Variants in KCTD6 observed in about 807,000 individuals in gnomAD.
KCTD6 encodes the protein BTB/POZ domain-containing protein KCTD6.
Under a neutral mutation model 18.7 loss-of-function variants are expected in KCTD6, and 6 were observed. The ratio of observed to expected loss-of-function variants is 0.32; its 90% confidence interval spans 0.18 to 0.63. The LOEUF (loss-of-function observed/expected upper bound fraction) is 0.63, where lower values mean the gene tolerates loss of function less well. KCTD6 is among the 30% of genes least tolerant of loss of function. KCTD6 has a pLI of 0.79. For missense variants in KCTD6, 165 were observed against 300.2 expected, an observed-to-expected ratio of 0.55 and a Z score of 3.33; for synonymous variants, 86 against 108.5, an observed-to-expected ratio of 0.79 and a Z score of 1.29.
intron 2 of KCTD6, among the ~76,000 whole-genome samples, chr3:58,500,056 A>G (rs978812019): frequency 6.6e-6 from 1 of 152,104 alleles, no homozygotes; most frequent in African/African-American, 2.4e-5. Flanking sequence ...AGTATTTGAA[A>G]GTATCACTTC....
At position 58,493,413 on chromosome 3, in the gene KCTD6, C is replaced by A. The variant is rs546704777; in HGVS notation, c.-44+1244C>A. On this transcript the variant is annotated intron_variant, in intron 1 of 2. Coordinates refer to ENST00000404589, the MANE Select transcript of KCTD6 (RefSeq NM_001128214.2). The surrounding 1 kb of genome is among the most constrained non-coding windows in gnomAD (Gnocchi z 4.5). ...GAATCTTAGGGTGAACCCTATGAAT[C>A]CTTCAGTGCGCTTGGATTTTGATAT... Among the ~76,000 whole-genome samples the A allele has an allele frequency of 2.0e-5, 3 of 150,864 alleles. No individual in the cohort carries two copies. Among genetic ancestry groups the A allele is most frequent in the African/African-American group, 7.3e-5 (3 of 40,990 alleles).
rs1472639384 is a variant in KCTD6, at chr3:58,492,984, T to G, written c.-44+815T>G. Among the ~76,000 whole-genome samples the G allele has an allele frequency of 6.6e-6, 1 of 152,250 alleles. No individual in the cohort carries two copies. Among genetic ancestry groups the G allele is most frequent in the African/African-American group, 2.4e-5 (1 of 41,468 alleles). On this transcript the variant is annotated intron_variant, in intron 1 of 2. Transcript: ENST00000404589. This position sits in a 1 kb window ranked among gnomAD's most constrained non-coding sequence, Gnocchi z 6.1. ...GTTTGGGTGGCAAAGTGACCTGGGATGACCCGGCTCGGCTAAGAATATTTG... is the reference window on the plus strand; with the variant it reads ...GTTTGGGTGGCAAAGTGACCTGGGAGGACCCGGCTCGGCTAAGAATATTTG...
At position 58,492,712 on chromosome 3, in the gene KCTD6, T is replaced by TTG. The variant is rs920992037; in HGVS notation, c.-44+554_-44+555dup. ...GCAGCTGAGTTCTTTATGCCTAGAT[T>TTG]TGTGTGTGTGTGGTGGCGTTTTTAA... On this transcript the variant is annotated intron_variant, in intron 1 of 2. Transcript: ENST00000404589. This position sits in a 1 kb window ranked among gnomAD's most constrained non-coding sequence, Gnocchi z 6.1. 2.6e-5 allele frequency among the ~76,000 whole-genome samples: 4 copies of TTG among 151,916 alleles called. No individual in the cohort carries two copies. Among genetic ancestry groups the TTG allele is most frequent in the African/African-American group, 4.8e-5 (2 of 41,348 alleles).
rs774057542 is a variant in KCTD6, at chr3:58,496,877, T to C, written c.-43-1836T>C. 2.0e-4 allele frequency among the ~76,000 whole-genome samples: 30 copies of C among 152,208 alleles called. No homozygotes were observed. The highest frequency in any genetic ancestry group is 3.4e-4 in the Non-Finnish European group (23 of 68,028). ...ATTGAGGCTGTCAGAATGAATACTT[T>C]GGGTGATGGGAAAATGCCAAAGATG... On this transcript the variant is annotated intron_variant, in intron 1 of 2. Coordinates refer to ENST00000404589, the MANE Select transcript of KCTD6 (RefSeq NM_001128214.2). The surrounding 1 kb of genome is among the most constrained non-coding windows in gnomAD (Gnocchi z 5.1).
At chr3:58,500,564 T>C (rs1371924998) in intron 2 of KCTD6, among the ~76,000 whole-genome samples, 1 of 151,990 alleles carries the variant, frequency 6.6e-6, no homozygotes, top group Non-Finnish European at 1.5e-5. Context: ...TTCAGAAAAA[T>C]GCAAGCCTTA....
Position 58,501,235 on chromosome 3 carries a change from A to G in KCTD6, c.317A>G (p.Asn106Ser), listed in dbSNP as rs1465662549. 14 of 1,614,082 alleles carry G rather than the reference A, an allele frequency of 8.7e-6. No homozygotes were observed. Among genetic ancestry groups the G allele is most frequent in the South Asian group, 1.1e-5 (1 of 91,090 alleles). ...YQIEPLIQCL[N>S]DPKPLYPMDT... ...ATTGAGCCCTTGATTCAGTGTCTCA[A>G]TGATCCTAAGCCTTTGTATCCCATG... Residue 106 changes from asparagine (N) to serine (S), a missense_variant, in exon 3 of 3, where the codon AAT becomes AGT. By Grantham distance (46) the Asn-to-Ser change is conservative (BLOSUM62 1). Coordinates refer to ENST00000404589, the MANE Select transcript of KCTD6 (RefSeq NM_001128214.2). This position sits in a 1 kb window ranked among gnomAD's most constrained non-coding sequence, Gnocchi z 9.7.
At position 58,492,228 on chromosome 3, in the gene KCTD6, A is replaced by C. The variant is rs1334389990; in HGVS notation, c.-44+59A>C. On this transcript the variant is annotated intron_variant, in intron 1 of 2. Coordinates refer to ENST00000404589, the MANE Select transcript of KCTD6 (RefSeq NM_001128214.2). The surrounding 1 kb of genome is among the most constrained non-coding windows in gnomAD (Gnocchi z 6.1). ...GGGTTTGGGAGGGCCGGGTTTCAGGAGACGTCTGCGCCGAGCGGCCAGGGG... is the reference window on the plus strand; with the variant it reads ...GGGTTTGGGAGGGCCGGGTTTCAGGCGACGTCTGCGCCGAGCGGCCAGGGG... The C allele has an allele frequency of 6.7e-6, 1 of 149,152 alleles. No individual in the cohort carries two copies. Among genetic ancestry groups the C allele is most frequent in the Admixed American group, 6.7e-5 (1 of 15,024 alleles). 9.2% of individuals were successfully genotyped at this position (149,152 alleles called of 1,614,324 possible).
rs1208397323 is a variant in KCTD6 at position 58,501,367 on chromosome 3, A to G, written c.449A>G (p.His150Arg). The G allele has an allele frequency of 6.3e-7, 1 of 1,594,926 alleles. No individual in the cohort carries two copies. Among genetic ancestry groups the G allele is most frequent in the African/African-American group, 1.4e-5 (1 of 73,870 alleles). ...CAACTAACCATCACCACTAAGGTCC[A>G]TTCCTTACTAGAAGGCATCTCAAAT... The part of the protein sequence containing the change: ...ITQLTITTKV[H>R]SLLEGISNYF... The change falls in exon 3 of 3, where the codon CAT becomes CGT. Residue 150 changes from histidine to arginine, a missense_variant. Coordinates refer to ENST00000404589, the MANE Select transcript of KCTD6 (RefSeq NM_001128214.2). The surrounding 1 kb of genome is among the most constrained non-coding windows in gnomAD (Gnocchi z 9.7).
In KCTD6 at chr3:58,497,281, T is replaced by C. The variant is rs2063178975; in HGVS notation, c.-43-1432T>C. ...CAGCCCATGCTGTGCTATGCAAATG[T>C]TCTCTACATGCCTGAGTGACCTTTT... On this transcript the variant is annotated intron_variant, in intron 1 of 2. Transcript: ENST00000404589. This position sits in a 1 kb window ranked among gnomAD's most constrained non-coding sequence, Gnocchi z 4.2. 6.6e-6 allele frequency among the ~76,000 whole-genome samples: 1 copy of C among 152,246 alleles called. No homozygotes were observed. Among genetic ancestry groups the C allele is most frequent in the South Asian group, 2.1e-4 (1 of 4,834 alleles).
rs1427735212 is a variant in KCTD6 at position 58,497,246 on chromosome 3, G to T, written c.-43-1467G>T. On this transcript the variant is annotated intron_variant, in intron 1 of 2. Transcript: ENST00000404589. The surrounding 1 kb of genome is among the most constrained non-coding windows in gnomAD (Gnocchi z 4.2). ...CAAGGTAGAGAAATAGATGCTTCAGGCTCTGATTTCAGCCCATGCTGTGCT... is the reference window on the plus strand; with the variant it reads ...CAAGGTAGAGAAATAGATGCTTCAGTCTCTGATTTCAGCCCATGCTGTGCT... Among the ~76,000 whole-genome samples the T allele has an allele frequency of 6.6e-6, 1 of 152,212 alleles. No homozygotes were observed. The highest frequency in any genetic ancestry group is 1.9e-4 in the East Asian group (1 of 5,204).
At chr3:58,495,493 CAG>C (rs1006876469) in intron 1 of KCTD6, among the ~76,000 whole-genome samples, 9 of 124,612 alleles carry the variant, frequency 7.2e-5, no homozygotes, top group African/African-American at 2.4e-4. Context: ...TATTGGATAA[CAG>C]GGAATTTTTC....
Position 58,498,883 on chromosome 3 carries a change from T to C in KCTD6, c.27+101T>C, listed in dbSNP as rs1396709746. 5 of 948,234 alleles carry C rather than the reference T, an allele frequency of 5.3e-6. No homozygotes were observed. The highest frequency in any genetic ancestry group is 6.5e-6 in the Non-Finnish European group (4 of 616,970). 58.7% of individuals were successfully genotyped at this position (948,234 alleles called of 1,614,324 possible). A position where few individuals can be genotyped will look rare whatever the true frequency, so the allele number is the denominator to read the frequency against. ...AGGTATATCTTATAAGAAAAGAAAA[T>C]TGTGAATTTGTGTAACCTCTCTTCC... On this transcript the variant is annotated intron_variant, in intron 2 of 2. Coordinates refer to ENST00000404589, the MANE Select transcript of KCTD6 (RefSeq NM_001128214.2). This position sits in a 1 kb window ranked among gnomAD's most constrained non-coding sequence, Gnocchi z 4.6.
chr3:58,494,368 A>G (rs983346915), intron 1 of KCTD6: 3 of 152,198 alleles, frequency 2.0e-5, no homozygotes, highest in African/African-American at 7.2e-5. Flanking sequence ...AAACTCCCAC[A>G]TTTCAAGAAG....
intron 2 of KCTD6, among the ~76,000 whole-genome samples, chr3:58,499,096 A>G (rs746812594): frequency 1.2e-4 from 19 of 152,012 alleles, no homozygotes; most frequent in Non-Finnish European, 2.5e-4. Flanking sequence ...CAGCCTCCTG[A>G]GTAGCTGGGA....
rs11418436 is a variant in KCTD6, at chr3:58,499,547, CT to C, written c.27+782del. Reference sequence around the variant, plus strand: ...GTCTGCCTTTCTTTTTTCTTTCTTCCTTTTTTTTTTTTTTTTTCGAGACAGG... The same window carrying C: ...GTCTGCCTTTCTTTTTTCTTTCTTCCTTTTTTTTTTTTTTTTCGAGACAGG... On this transcript the variant is annotated intron_variant, in intron 2 of 2. Transcript: ENST00000404589. 4.3e-3 allele frequency among the ~76,000 whole-genome samples: 519 copies of C among 121,816 alleles called. 3 individuals are homozygous for C. The highest frequency in any genetic ancestry group is 0.012 in the African/African-American group (374 of 32,300). 79.9% of individuals were successfully genotyped at this position (121,816 alleles called of 152,430 possible).
At chr3:58,495,573 G>A (rs1202612210) in intron 1 of KCTD6, among the ~76,000 whole-genome samples, 1 of 152,092 alleles carries the variant, frequency 6.6e-6, no homozygotes, top group South Asian at 2.1e-4. Flanking sequence ...TTTAGAAGCA[G>A]GTAGAGATAA....
Position 58,498,362 on chromosome 3 carries a change from ATTCTC to A in KCTD6, c.-43-348_-43-344del, listed in dbSNP as rs2063189307. On this transcript the variant is annotated intron_variant, in intron 1 of 2. Coordinates refer to ENST00000404589, the MANE Select transcript of KCTD6 (RefSeq NM_001128214.2). The surrounding 1 kb of genome is among the most constrained non-coding windows in gnomAD (Gnocchi z 4.6). ...ATAAGGTTGTAGAGTTAATCATAAT[ATTCTC>A]TTATATAAATTCTAAAAATTGATGT... 1 of 174,136 alleles carries A rather than the reference ATTCTC, an allele frequency of 5.7e-6. No individual in the cohort carries two copies. Among genetic ancestry groups the A allele is most frequent in the African/African-American group, 2.4e-5 (1 of 41,822 alleles). 10.8% of individuals were successfully genotyped at this position (174,136 alleles called of 1,614,324 possible).
chr3:58,494,602 T>C (rs2063168073), intron 1 of KCTD6, among the ~76,000 whole-genome samples: 1 of 152,230 alleles, frequency 6.6e-6, no homozygotes, highest in South Asian at 2.1e-4. Flanking sequence ...CCCGGAGAAT[T>C]CTTAATCTAT....
Position 58,498,917 on chromosome 3 carries a change from CTTAGT to C in KCTD6, c.27+140_27+144del. 1.4e-6 allele frequency: 1 copy of C among 705,770 alleles called. No homozygotes were observed. Among genetic ancestry groups the C allele is most frequent in the Non-Finnish European group, 2.4e-6 (1 of 421,156 alleles). The allele number at this position is 705,770 out of a possible 1,614,324, so 43.7% of individuals were successfully genotyped here. A position where few individuals can be genotyped will look rare whatever the true frequency, so the allele number is the denominator to read the frequency against. On this transcript the variant is annotated intron_variant, in intron 2 of 2. Transcript: ENST00000404589. The surrounding 1 kb of genome is among the most constrained non-coding windows in gnomAD (Gnocchi z 4.6). ...TGTGTAACCTCTCTTCCCCCTTTTA[CTTAGT>C]TTAGATGTATTTTGGAGGCGTTTTT... is the stretch of plus-strand genomic sequence containing the variant.
Sources: allele counts gnomAD v4.1 joint callset (sites outside exome capture counted in the v4.1 genomes callset), GRCh38; gene constraint gnomAD v4.1.1; non-coding constraint Gnocchi (gnomAD v3.1); transcripts MANE v1.5; gene names NCBI Gene and HGNC (gene_info 2026-07-23, HGNC 2026-07-21).